NFYC: variants seen among roughly 807,000 people sequenced by gnomAD.
NFYC encodes nuclear transcription factor Y subunit gamma.
In NFYC, 25 loss-of-function variants were observed where a neutral mutation model predicts 53.1. That is an observed-to-expected ratio of 0.47 (90% CI 0.34 to 0.66). The LOEUF (loss-of-function observed/expected upper bound fraction) is 0.66. Among genes scored for constraint, NFYC ranks in the 30% least tolerant of loss-of-function variants. The pLI, the probability that NFYC is intolerant of heterozygous loss-of-function variation, is 0.01. For missense variants in NFYC, 260 were observed against 422.7 expected, an observed-to-expected ratio of 0.62 and a Z score of 3.38; for synonymous variants, 145 against 152.6, an observed-to-expected ratio of 0.95 and a Z score of 0.37.
intron 6 of NFYC, among the ~76,000 whole-genome samples, chr1:40,761,959 C>T (rs1646571228): frequency 6.6e-6 from 1 of 151,102 alleles, no homozygotes; most frequent in African/African-American, 2.4e-5. Context: ...ACCAGATGAG[C>T]CCAGATAGGC....
At chr1:40,733,593 G>T (rs1022520012) in intron 1 of NFYC, among the ~76,000 whole-genome samples, 1 of 151,310 alleles carries the variant, frequency 6.6e-6, no homozygotes, top group Non-Finnish European at 1.5e-5. Context: ...TTTTGAGGCA[G>T]GGTCTCCCTC....
chr1:40,697,721 G>A (rs1300871709), intron 1 of NFYC, among the ~76,000 whole-genome samples: 3 of 152,168 alleles, frequency 2.0e-5, no homozygotes, highest in African/African-American at 7.2e-5. Flanking sequence ...CTTGAGTAAC[G>A]TTTTCTTTGA....
chr1:40,718,896 G>A (rs1249146028), intron 1 of NFYC, among the ~76,000 whole-genome samples: 1 of 152,020 alleles, frequency 6.6e-6, no homozygotes, highest in East Asian at 1.9e-4. Context: ...TTTTTGAGAC[G>A]GAGTCTTGCT....
chr1:40,693,523 A>T (rs1004613492), intron 1 of NFYC, among the ~76,000 whole-genome samples: 2 of 152,276 alleles, frequency 1.3e-5, no homozygotes, highest in Non-Finnish European at 2.9e-5. Context: ...GAATGCAACT[A>T]CATTTTCTGG....
chr1:40,735,637 C>T (rs1307025700), intron 1 of NFYC: 6 of 985,428 alleles, frequency 6.1e-6, no homozygotes, highest in Non-Finnish European at 7.2e-6. Context: ...CATCCATTAG[C>T]AAGTGTACAG....
chr1:40,695,402 C>T (rs1451257161), intron 1 of NFYC, among the ~76,000 whole-genome samples: 1 of 152,166 alleles, frequency 6.6e-6, no homozygotes, highest in Non-Finnish European at 1.5e-5. Flanking sequence ...TGGAGCTATG[C>T]TGGGAGTCTT....
intron 4 of NFYC, among the ~76,000 whole-genome samples, chr1:40,750,624 A>G (rs1645862031): frequency 6.6e-6 from 1 of 152,228 alleles, no homozygotes; most frequent in African/African-American, 2.4e-5. Flanking sequence ...GCTCCAATAA[A>G]TGATATGCAT....
rs185802986 is a variant in NFYC, at chr1:40,770,089, T to C, written c.889-620T>C. Among the ~76,000 whole-genome samples the C allele has an allele frequency of 6.6e-6, 1 of 152,284 alleles. No homozygotes were observed. Among genetic ancestry groups the C allele is most frequent in the African/African-American group, 2.4e-5 (1 of 41,562 alleles). ...CATGAGGGCTTGGCTTTTGGCTTCT[T>C]TGGGGAGCGCCTGGGAAACCAAGTA... On this transcript the variant is annotated intron_variant, in intron 9 of 9. Coordinates refer to ENST00000447388, the MANE Select transcript of NFYC (RefSeq NM_014223.5). This position sits in a 1 kb window ranked among gnomAD's most constrained non-coding sequence, Gnocchi z 5.3.
intron 1 of NFYC, among the ~76,000 whole-genome samples, chr1:40,704,143 C>T (rs1026669773): frequency 9.9e-5 from 15 of 151,194 alleles, no homozygotes; most frequent in African/African-American, 3.4e-4. Flanking sequence ...GCGATCTCTG[C>T]TCACTGCAAC....
chr1:40,753,866 C>G (rs985953212), intron 5 of NFYC, among the ~76,000 whole-genome samples: 8 of 152,174 alleles, frequency 5.3e-5, no homozygotes, highest in Non-Finnish European at 8.8e-5. Context: ...GTTTTGCAAG[C>G]AATCACAAGA....
chr1:40,692,650 A>T (rs1194140137), intron 1 of NFYC, among the ~76,000 whole-genome samples: 1 of 152,162 alleles, frequency 6.6e-6, no homozygotes, highest in Non-Finnish European at 1.5e-5. Flanking sequence ...GGAGAGTGCA[A>T]GCATTCAAAC....
At chr1:40,747,361 AAAG>A (rs969933457) in intron 2 of NFYC, among the ~76,000 whole-genome samples, 170 bp from the exon 3 acceptor site, 1 of 151,906 alleles carries the variant, frequency 6.6e-6, no homozygotes, top group Non-Finnish European at 1.5e-5. Flanking sequence ...TATGTTAAGT[AAAG>A]AAGAATTTTG....
At chr1:40,706,102 A>G (rs1643680202) in intron 1 of NFYC, among the ~76,000 whole-genome samples, 1 of 151,948 alleles carries the variant, frequency 6.6e-6, no homozygotes, top group South Asian at 2.1e-4. Context: ...CTATCTACAC[A>G]TATATATGGC....
At position 40,770,999 on chromosome 1, in the gene NFYC, A is replaced by T; in HGVS notation, c.*171A>T. On this transcript the variant is annotated 3_prime_UTR_variant, in exon 10 of 10. Coordinates refer to ENST00000447388, the MANE Select transcript of NFYC (RefSeq NM_014223.5). The surrounding 1 kb of genome is among the most constrained non-coding windows in gnomAD (Gnocchi z 5.3). ...TGGGGGCCGAGATTCTCCAGCAGAA[A>T]GATGCAATATTTTTTGTTTCCTTTT... The T allele has an allele frequency of 3.1e-6, 2 of 647,112 alleles. No homozygotes were observed. The highest frequency in any genetic ancestry group is 5.3e-6 in the Non-Finnish European group (2 of 379,184). 40.1% of individuals were successfully genotyped at this position (647,112 alleles called of 1,614,324 possible).
intron 1 of NFYC, among the ~76,000 whole-genome samples, chr1:40,725,670 C>T (rs185840579): frequency 3.2e-4 from 48 of 152,278 alleles, no homozygotes; most frequent in African/African-American, 1.0e-3. Flanking sequence ...TCTGTATCTC[C>T]CATCATCATT....
At chr1:40,767,138 A>G in intron 8 of NFYC, 1 of 666,396 alleles carries the variant, frequency 1.5e-6, no homozygotes, top group Non-Finnish European at 2.6e-6. Context: ...CTAACCAGAA[A>G]AATTGCCCTT....
At chr1:40,716,230 G>A (rs1644131193) in intron 1 of NFYC, among the ~76,000 whole-genome samples, 2 of 152,126 alleles carry the variant, frequency 1.3e-5, no homozygotes, top group South Asian at 4.1e-4. Flanking sequence ...AAACTGATAT[G>A]GAAAGAACAA....
At chr1:40,749,091 A>G (rs1215508849) in intron 3 of NFYC, among the ~76,000 whole-genome samples, 1 of 152,172 alleles carries the variant, frequency 6.6e-6, no homozygotes, top group Admixed American at 6.5e-5. Context: ...CTGGGTACAT[A>G]TATTATCTCA....
chr1:40,737,363 C>G (rs1209555049), intron 1 of NFYC, among the ~76,000 whole-genome samples: 1 of 147,100 alleles, frequency 6.8e-6, no homozygotes, highest in Non-Finnish European at 1.5e-5. Context: ...GAGTCTTGCT[C>G]TGTTGCCCAG....
Sources: gnomAD v4.1 joint callset for allele counts (sites outside exome capture counted in the v4.1 genomes callset) on GRCh38, gnomAD v4.1.1 for gene constraint, Gnocchi (gnomAD v3.1) non-coding constraint, MANE v1.5 for transcripts, NCBI Gene and HGNC (gene_info 2026-07-23, HGNC 2026-07-21) for gene names.